The following KDM5B variants were observed in gnomAD, a reference collection of about 807,000 sequenced individuals.
The protein encoded by KDM5B is lysine-specific demethylase 5B.
KDM5B carries 144 observed loss-of-function variants against 193.4 expected under a neutral mutation model. The observed-to-expected ratio is 0.74, with a 90% CI of 0.65 to 0.86. The LOEUF (loss-of-function observed/expected upper bound fraction) is 0.86. KDM5B is among the 40% of genes least tolerant of loss of function. The pLI, the probability that KDM5B is intolerant of heterozygous loss-of-function variation, is 0.00. For missense variants in KDM5B, 1,833 were observed against 1,886.9 expected, an observed-to-expected ratio of 0.97 and a Z score of 0.53; for synonymous variants, 668 against 682.6, an observed-to-expected ratio of 0.98 and a Z score of 0.33.
intron 4 of KDM5B, chr1:202,767,489 AC>A (rs1572744495): frequency 3.4e-6 from 3 of 891,370 alleles, no homozygotes; most frequent in Admixed American, 4.1e-5. Flanking sequence ...CCTCACCAAG[AC>A]CTTTTTTTCA....
Position 202,728,934 on chromosome 1 carries a change from C to T in KDM5B, c.*102G>A. On this transcript the variant is annotated 3_prime_UTR_variant, in exon 27 of 27. Coordinates refer to ENST00000367265, the MANE Select transcript of KDM5B (RefSeq NM_006618.5). ...GAATAGAAATAGCACCGTTTACAGG[C>T]TGGCTTGAGTACCAGTCCTGTAGCT... 4.5e-6 allele frequency: 6 copies of T among 1,342,894 alleles called. No homozygotes were observed. In the South Asian group the frequency reaches 6.3e-5, roughly 14 times the overall value. The allele number at this position is 1,342,894 out of a possible 1,614,324, so 83.2% of individuals were successfully genotyped here. A position where few individuals can be genotyped will look rare whatever the true frequency, so the allele number is the denominator to read the frequency against.
intron 7 of KDM5B, among the ~76,000 whole-genome samples, chr1:202,760,857 AAAC>A (rs1414699181): frequency 3.9e-5 from 6 of 152,198 alleles, no homozygotes; most frequent in Non-Finnish European, 5.9e-5. Context: ...GTAGGTTCCA[AAAC>A]AACAAGATGC....
At chr1:202,779,840 T>TAAAG (rs1461651907) in intron 1 of KDM5B, among the ~76,000 whole-genome samples, 1 of 123,642 alleles carries the variant, frequency 8.1e-6, no homozygotes, top group Non-Finnish European at 1.9e-5. Context: ...AATAAATAAA[T>TAAAG]AAATAAAAAA....
intron 1 of KDM5B, among the ~76,000 whole-genome samples, chr1:202,798,849 T>C (rs780855714): frequency 1.3e-5 from 2 of 152,072 alleles, no homozygotes; most frequent in Admixed American, 6.6e-5. Flanking sequence ...AGCAAGACCC[T>C]GTCCCTAAAA....
chr1:202,733,822 T>C lies in KDM5B; in HGVS notation c.3488A>G (p.Asn1163Ser), dbSNP rs1214975672. Reference protein sequence around the residue: ...MEALQSLRLANEGKLLSPLQD... With the variant: ...MEALQSLRLASEGKLLSPLQD... Reference sequence around the variant, plus strand: ...GAGAGGCGACAGCAATTTCCCTTCATTGGCGAGTCTGAGAGACTGCAAGGC... The same window carrying C: ...GAGAGGCGACAGCAATTTCCCTTCACTGGCGAGTCTGAGAGACTGCAAGGC... The change falls in exon 23 of 27, where the codon AAT becomes AGT. Residue 1163 changes from asparagine to serine, a missense_variant. Physicochemically the swap from Asn to Ser is conservative, Grantham distance 46. Coordinates refer to ENST00000367265, the MANE Select transcript of KDM5B (RefSeq NM_006618.5). 10 of 1,614,036 alleles carry C rather than the reference T, an allele frequency of 6.2e-6. No homozygotes were observed. Among genetic ancestry groups the C allele is most frequent in the African/African-American group, 4.0e-5 (3 of 74,932 alleles).
At chr1:202,755,145 G>A (rs1337710255) in intron 11 of KDM5B, 126 bp downstream of exon 11, 11 of 663,222 alleles carry the variant, frequency 1.7e-5, no homozygotes, top group Non-Finnish European at 2.8e-5. Context: ...TAACAGAAGT[G>A]AAAAACCTTA....
chr1:202,751,839 CAATT>C (rs1416956234), intron 12 of KDM5B, among the ~76,000 whole-genome samples: 6 of 152,044 alleles, frequency 3.9e-5, no homozygotes, highest in Non-Finnish European at 8.8e-5. Flanking sequence ...GGTCAGGTCT[CAATT>C]AAAGCAATCT....
At chr1:202,773,786 G>T (rs1463558468) in intron 3 of KDM5B, among the ~76,000 whole-genome samples, 3 of 149,396 alleles carry the variant, frequency 2.0e-5, no homozygotes, top group Non-Finnish European at 4.4e-5. Context: ...TGCCCAGCCC[G>T]CAGTGCAATG....
chr1:202,787,998 A>G (rs1460539815), intron 1 of KDM5B, among the ~76,000 whole-genome samples: 2 of 152,178 alleles, frequency 1.3e-5, no homozygotes, highest in Non-Finnish European at 2.9e-5. Context: ...GAACCCTCCA[A>G]GGGTCCTCGG....
In KDM5B at chr1:202,728,720, T is replaced by C. The variant is rs1654760362; in HGVS notation, c.*316A>G. 4.5e-6 allele frequency: 1 copy of C among 220,892 alleles called. No individual in the cohort carries two copies. The highest frequency in any genetic ancestry group is 2.3e-5 in the African/African-American group (1 of 43,760). The allele number at this position is 220,892 out of a possible 1,614,324, so 13.7% of individuals were successfully genotyped here. A position where few individuals can be genotyped will look rare whatever the true frequency, so the allele number is the denominator to read the frequency against. On this transcript the variant is annotated 3_prime_UTR_variant, in exon 27 of 27. Transcript: ENST00000367265. ...ATCCCAGAGAGAGGTAAAATTTTAA[T>C]GCTGTACATGAAAAGGTGCAAGCTT...
At chr1:202,748,013 TAGAA>T (rs1462649390) in intron 14 of KDM5B, among the ~76,000 whole-genome samples, 1 of 152,126 alleles carries the variant, frequency 6.6e-6, no homozygotes, top group Non-Finnish European at 1.5e-5. Context: ...CAAGACTTCT[TAGAA>T]AGCTACAATA....
intron 6 of KDM5B, among the ~76,000 whole-genome samples, chr1:202,763,732 C>T (rs1302254756): frequency 6.6e-6 from 1 of 152,108 alleles, no homozygotes; most frequent in Non-Finnish European, 1.5e-5. Flanking sequence ...ATGTTTTTCA[C>T]AAATTACTTA....
At chr1:202,770,447 A>G (rs1656665504) in intron 4 of KDM5B, among the ~76,000 whole-genome samples, 4 of 152,182 alleles carry the variant, frequency 2.6e-5, no homozygotes, top group African/African-American at 9.6e-5. Context: ...TTTCTTAAGT[A>G]TATGTTCTTC....
intron 5 of KDM5B, 91 bp from the exon 6 acceptor site, chr1:202,764,236 C>T: frequency 1.6e-6 from 1 of 639,936 alleles, no homozygotes; most frequent in East Asian, 3.1e-5. Context: ...CTATATCCTA[C>T]CAATTGCCTC....
At chr1:202,796,425 TACC>T in intron 1 of KDM5B, 1 of 226,634 alleles carries the variant, frequency 4.4e-6, no homozygotes, top group East Asian at 1.5e-4. Flanking sequence ...CTGTGCCAGC[TACC>T]ACCAACTACT....
At position 202,742,687 on chromosome 1, in the gene KDM5B, C is replaced by T. The variant is rs775747272; in HGVS notation, c.2442G>A (p.Ala814=). Reference sequence around the variant, plus strand: ...GCCTTTTGCCATTAAGCAACTGCTGCGCAACAGAGGCACACTTCTCTGCAT... The same window carrying T: ...GCCTTTTGCCATTAAGCAACTGCTGTGCAACAGAGGCACACTTCTCTGCAT... ...TQDAEKCASV[A]QQLLNGKRQT... is the part of the protein sequence containing the mutation. The change falls in exon 17 of 27, where the codon GCG becomes GCA. Residue 814 remains alanine (A), a synonymous_variant. Transcript: ENST00000367265. 9 of 1,614,002 alleles carry T rather than the reference C, an allele frequency of 5.6e-6. No homozygotes were observed. The South Asian group carries it at 6.6e-5, about 12-fold the overall frequency.
rs142990760 is a variant in KDM5B at position 202,770,616 on chromosome 1, T to C, written c.576+2502A>G. On this transcript the variant is annotated intron_variant, in intron 4 of 26. Coordinates refer to ENST00000367265, the MANE Select transcript of KDM5B (RefSeq NM_006618.5). ...ATAAAGTCTGGCTATAAAAAACGGA[T>C]TGCCGCAGTCATTAGAAATTGCATT... 5.9e-3 allele frequency among the ~76,000 whole-genome samples: 894 copies of C among 152,296 alleles called. 11 individuals are homozygous for C. Among genetic ancestry groups the C allele is most frequent in the African/African-American group, 0.021 (859 of 41,548 alleles).
intron 6 of KDM5B, 129 bp downstream of exon 6, chr1:202,763,920 T>C (rs1572739741): frequency 4.9e-6 from 3 of 607,032 alleles, no homozygotes; most frequent in Non-Finnish European, 8.6e-6. Flanking sequence ...CAGTGACTAC[T>C]ATGTACTGGC....
rs1655752975 is a variant in KDM5B at position 202,750,658 on chromosome 1, C to G, written c.1821+1G>C. On this transcript the variant is annotated splice_donor_variant, in intron 13 of 26. Transcript: ENST00000367265. LOFTEE classifies it high-confidence loss of function. ...AGGTTAACTACATTGTAATTACATACCCAATCAACAGTGCAGAAGTTAACA... is the reference window on the plus strand; with the variant it reads ...AGGTTAACTACATTGTAATTACATAGCCAATCAACAGTGCAGAAGTTAACA... The G allele has an allele frequency of 6.2e-7, 1 of 1,613,016 alleles. No individual in the cohort carries two copies. The highest frequency in any genetic ancestry group is 1.3e-5 in the African/African-American group (1 of 74,848).
Sources: gnomAD v4.1 joint callset for allele counts (sites outside exome capture counted in the v4.1 genomes callset) on GRCh38, gnomAD v4.1.1 for gene constraint, MANE v1.5 for transcripts, NCBI Gene and HGNC (gene_info 2026-07-23, HGNC 2026-07-21) for gene names.